The following SPECC1L variants were observed in gnomAD, a reference collection of about 807,000 sequenced individuals.
SPECC1L encodes the protein cytospin-A.
In SPECC1L, 40 loss-of-function variants were observed where a neutral mutation model predicts 116.8. The ratio of observed to expected loss-of-function variants is 0.34; its 90% CI spans 0.27 to 0.45. The LOEUF is 0.45. SPECC1L is among the 20% of genes least tolerant of loss of function. The probability of loss-of-function intolerance (pLI) is 1.00; values close to 1 mark genes in which losing one functional copy is unlikely to be tolerated. For missense variants in SPECC1L, 1,110 were observed against 1,373.6 expected (o/e 0.81, Z 3.03); for synonymous variants, 504 against 500.6 (o/e 1.01, Z -0.09).
chr22:24,314,045 G>A (rs973067076), intron 4 of SPECC1L, among the ~76,000 whole-genome samples: 2 of 150,750 alleles, frequency 1.3e-5, no homozygotes, highest in Non-Finnish European at 3.0e-5. Context: ...CCAAGGAGAA[G>A]GATTTTTCTT....
At chr22:24,387,563 T>G (rs1375934711) in intron 14 of SPECC1L, among the ~76,000 whole-genome samples, 1 of 152,230 alleles carries the variant, frequency 6.6e-6, no homozygotes, top group Non-Finnish European at 1.5e-5. Flanking sequence ...TTTTCAGGAA[T>G]GTTGTCGCCC....
chr22:24,288,615 C>CTTTTTTTTTTTTTTTTTTTTT (rs756714389), intron 2 of SPECC1L, among the ~76,000 whole-genome samples: 1 of 61,678 alleles, frequency 1.6e-5, no homozygotes, highest in Non-Finnish European at 2.9e-5. Flanking sequence ...AAATTTTAAG[C>CTTTTTTTTTTTTTTTTTTTTT]TTTTTTTTTT....
rs1271748670 is a variant in SPECC1L, at chr22:24,415,323, C to A, written c.*700C>A. On this transcript the variant is annotated 3_prime_UTR_variant, in exon 17 of 17. Coordinates refer to ENST00000314328, the MANE Select transcript of SPECC1L (RefSeq NM_015330.6). The stretch of plus-strand genomic sequence containing the variant: ...TTCTGGCGGGAAGCAGTTACGGGGG[C>A]CCCTTGCCTGGACTCAGCGACCTGT... 6.5e-6 allele frequency: 1 copy of A among 153,094 alleles called. No homozygotes were observed. The highest frequency in any genetic ancestry group is 2.4e-5 in the African/African-American group (1 of 41,450). 9.5% of individuals were successfully genotyped at this position (153,094 alleles called of 1,614,324 possible).
rs1254261700 is a variant in SPECC1L at position 24,416,894 on chromosome 22, G to A, written c.*2271G>A. On this transcript the variant is annotated 3_prime_UTR_variant, in exon 17 of 17. Coordinates refer to ENST00000314328, the MANE Select transcript of SPECC1L (RefSeq NM_015330.6). ...AGGGCTTGGCCCCGCCTATCTAGAG[G>A]CTTGCCTCGGGCCCCTCCTTGGGGA... 6.6e-6 allele frequency: 1 copy of A among 152,338 alleles called. No homozygotes were observed. The highest frequency in any genetic ancestry group is 1.5e-5 in the Non-Finnish European group (1 of 68,126). The allele number at this position is 152,338 out of a possible 1,614,324, so 9.4% of individuals were successfully genotyped here.
At position 24,294,985 on chromosome 22, in the gene SPECC1L, A is replaced by G. The variant is rs576754613; in HGVS notation, c.-37-7210A>G. On this transcript the variant is annotated intron_variant, in intron 2 of 16. Transcript: ENST00000314328. Reference sequence around the variant, plus strand: ...TTAAATAGTATTATGTCTACCTTATATGGTAGGTAAGAGATAGCCCTTTGT... The same window carrying G: ...TTAAATAGTATTATGTCTACCTTATGTGGTAGGTAAGAGATAGCCCTTTGT... Among the ~76,000 whole-genome samples, 156 of 152,240 alleles carry G rather than the reference A, an allele frequency of 1.0e-3. 2 individuals carry two copies. Among genetic ancestry groups the G allele is most frequent in the Middle Eastern group, 6.8e-3 (2 of 294 alleles).
chr22:24,303,628 C>T (rs1172850594), intron 3 of SPECC1L, among the ~76,000 whole-genome samples: 1 of 152,182 alleles, frequency 6.6e-6, no homozygotes, highest in African/African-American at 2.4e-5. Context: ...TCTGTGGCCT[C>T]TTCGTCAGAG....
At chr22:24,384,083 A>G (rs1411332770) in intron 14 of SPECC1L, among the ~76,000 whole-genome samples, 5 of 152,018 alleles carry the variant, frequency 3.3e-5, no homozygotes, top group African/African-American at 1.2e-4. Flanking sequence ...TCCACAGTGA[A>G]GCACCGAGAA....
At chr22:24,351,560 G>A (rs1042376055) in intron 11 of SPECC1L, among the ~76,000 whole-genome samples, 1 of 152,158 alleles carries the variant, frequency 6.6e-6, no homozygotes, top group Non-Finnish European at 1.5e-5. Flanking sequence ...ATGCCTTAGT[G>A]GAGTGTGGTT....
intron 1 of SPECC1L, among the ~76,000 whole-genome samples, chr22:24,274,116 G>A (rs2048785560): frequency 6.6e-6 from 1 of 152,210 alleles, no homozygotes; most frequent in Non-Finnish European, 1.5e-5. Flanking sequence ...ATTCTTTCTG[G>A]TGGTTGGAAT....
intron 14 of SPECC1L, among the ~76,000 whole-genome samples, chr22:24,401,329 G>A (rs1651079384): frequency 6.6e-6 from 1 of 152,178 alleles, no homozygotes; most frequent in South Asian, 2.1e-4. Flanking sequence ...TGTTGTCCGT[G>A]GTGTAAACTG....
At chr22:24,273,145 T>C (rs1277384556) in intron 1 of SPECC1L, among the ~76,000 whole-genome samples, 1 of 152,270 alleles carries the variant, frequency 6.6e-6, no homozygotes, top group Non-Finnish European at 1.5e-5. Context: ...CTGCGGTGTT[T>C]CTTCCTCAGA....
chr22:24,334,301 C>T (rs973275235), intron 8 of SPECC1L, 109 bp from the exon 9 acceptor site: 17 of 1,147,694 alleles, frequency 1.5e-5, no homozygotes, highest in South Asian at 5.1e-5. Flanking sequence ...TGTGAGCCAC[C>T]GTGCCCGGCC....
intron 14 of SPECC1L, among the ~76,000 whole-genome samples, chr22:24,379,150 G>A (rs73398371): frequency 1.3e-5 from 2 of 151,894 alleles, no homozygotes; most frequent in Non-Finnish European, 2.9e-5. Context: ...CCCCTTGAAG[G>A]ATCGCTTGTG....
chr22:24,330,634 T>A (rs532974620), intron 8 of SPECC1L, among the ~76,000 whole-genome samples: 7 of 152,338 alleles, frequency 4.6e-5, no homozygotes, highest in African/African-American at 1.7e-4. Flanking sequence ...GAGTTGTCAG[T>A]ATCAGTGATC....
chr22:24,402,784 A>C (rs1390064788), intron 14 of SPECC1L, among the ~76,000 whole-genome samples: 1 of 152,226 alleles, frequency 6.6e-6, no homozygotes, highest in Non-Finnish European at 1.5e-5. Flanking sequence ...ATAGACCAGA[A>C]CCTTAATAGC....
chr22:24,397,846 C>T lies in SPECC1L; in HGVS notation c.3088-13742C>T, dbSNP rs188455290. Among the ~76,000 whole-genome samples, 3 of 152,140 alleles carry T rather than the reference C, an allele frequency of 2.0e-5. No individual in the cohort carries two copies. The East Asian group carries it at 5.8e-4, about 29-fold the overall frequency. ...TGTTTCTGGATGGAGTTTTCTTACA[C>T]CAGTATGTTATTCAGCAAACCTTTG... On this transcript the variant is annotated intron_variant, in intron 14 of 16. Transcript: ENST00000314328.
chr22:24,326,939 A>G lies in SPECC1L; in HGVS notation c.2147-1907A>G, dbSNP rs2040832827. Among the ~76,000 whole-genome samples the G allele has an allele frequency of 2.0e-5, 3 of 152,160 alleles. No homozygotes were observed. The South Asian group carries it at 6.2e-4, about 31-fold the overall frequency. On this transcript the variant is annotated intron_variant, in intron 6 of 16. Transcript: ENST00000314328. ...ATTATTCCACATATAATTGTTGTAA[A>G]TATTCTAGGCTCTATGTTGTTAAAG... is the stretch of plus-strand genomic sequence containing the variant.
chr22:24,289,692 ACCT>A (rs2049120200), intron 2 of SPECC1L, among the ~76,000 whole-genome samples: 1 of 143,982 alleles, frequency 6.9e-6, no homozygotes. Flanking sequence ...ACTGATAACT[ACCT>A]CCTTTTTTTT....
intron 14 of SPECC1L, among the ~76,000 whole-genome samples, chr22:24,382,849 G>C (rs2042087904): frequency 6.6e-6 from 1 of 152,124 alleles, no homozygotes; most frequent in East Asian, 1.9e-4. Flanking sequence ...TCACACCACT[G>C]CACTCCAGCC....
Sources: gnomAD v4.1 joint callset for allele counts (sites outside exome capture counted in the v4.1 genomes callset) on GRCh38, gnomAD v4.1.1 for gene constraint, MANE v1.5 for transcripts, NCBI Gene and HGNC (gene_info 2026-07-23, HGNC 2026-07-21) for gene names.